CELF4: variants seen among roughly 807,000 people sequenced by gnomAD.
The protein encoded by CELF4 is CUGBP Elav-like family member 4, also known as CUG-BP- and ETR-3-like factor 4.
CELF4 carries 18 observed loss-of-function variants against 59.9 expected under a neutral mutation model. The observed-to-expected ratio is 0.30, with a 90% CI of 0.21 to 0.45. The LOEUF (loss-of-function observed/expected upper bound fraction) is 0.45, where lower values mean the gene tolerates loss of function less well. Ranked by LOEUF, CELF4 falls within the 20% of genes least tolerant of loss-of-function variation. The pLI is 1.00. For missense variants in CELF4, 456 were observed against 689.0 expected (o/e 0.66, Z 3.79); for synonymous variants, 261 against 267.1 (o/e 0.98, Z 0.22).
intron 1 of CELF4, among the ~76,000 whole-genome samples, chr18:37,502,857 C>T (rs2099933400): frequency 2.0e-5 from 3 of 152,210 alleles, no homozygotes; most frequent in African/African-American, 7.2e-5. Context: ...AGCGCTGATT[C>T]CCTCCATTCT....
At chr18:37,348,243 G>A (rs562240433) in intron 2 of CELF4, among the ~76,000 whole-genome samples, 2 of 152,244 alleles carry the variant, frequency 1.3e-5, no homozygotes, top group South Asian at 2.1e-4. Context: ...TGCTAAGCAG[G>A]GTCAAATGCC....
At chr18:37,431,088 T>C (rs935561801) in intron 2 of CELF4, among the ~76,000 whole-genome samples, 12 of 152,250 alleles carry the variant, frequency 7.9e-5, no homozygotes, top group Admixed American at 7.8e-4. Context: ...GTGTTGTGGG[T>C]GAGCCAGAGG....
intron 2 of CELF4, among the ~76,000 whole-genome samples, chr18:37,373,414 T>C (rs1277926941): frequency 3.3e-5 from 5 of 152,266 alleles, no homozygotes; most frequent in East Asian, 1.9e-4. Flanking sequence ...CATCACTACC[T>C]GAGACCCTGG....
chr18:37,277,212 G>A (rs56245342), intron 3 of CELF4, among the ~76,000 whole-genome samples: 4 of 152,178 alleles, frequency 2.6e-5, no homozygotes, highest in Non-Finnish European at 5.9e-5. Flanking sequence ...CCAGCTCCTC[G>A]CATAACCTGT....
intron 2 of CELF4, among the ~76,000 whole-genome samples, chr18:37,398,772 G>A (rs1214950364): frequency 1.3e-5 from 2 of 152,102 alleles, no homozygotes; most frequent in Admixed American, 6.5e-5. Context: ...ACTGTGTTGC[G>A]ATCACTCGAG....
intron 1 of CELF4, among the ~76,000 whole-genome samples, chr18:37,550,894 G>T (rs2099983001): frequency 6.6e-6 from 1 of 152,364 alleles, no homozygotes; most frequent in Non-Finnish European, 1.5e-5. Context: ...AACAGAGATG[G>T]TAACGCATTA....
At chr18:37,273,392 G>A in intron 6 of CELF4, 1 of 1,283,936 alleles carries the variant, frequency 7.8e-7, no homozygotes. Flanking sequence ...TAGGGTCTTT[G>A]GAACTCCAAA....
intron 3 of CELF4, among the ~76,000 whole-genome samples, chr18:37,292,318 A>G (rs2095390272): frequency 6.6e-6 from 1 of 152,222 alleles, no homozygotes; most frequent in Non-Finnish European, 1.5e-5. Flanking sequence ...CAGTACAGGT[A>G]CATTTTAACA....
chr18:37,555,087 G>C (rs995000566), intron 1 of CELF4, among the ~76,000 whole-genome samples: 2 of 152,106 alleles, frequency 1.3e-5, no homozygotes, highest in Admixed American at 1.3e-4. Context: ...GGATACCCAG[G>C]CTGCAGAGTG....
At chr18:37,422,175 G>C (rs1177914767) in intron 2 of CELF4, among the ~76,000 whole-genome samples, 4 of 152,172 alleles carry the variant, frequency 2.6e-5, no homozygotes, top group African/African-American at 9.7e-5. Flanking sequence ...GGCCTGAGTG[G>C]GGCCTGTGTA....
chr18:37,530,194 C>T (rs1407677384), intron 1 of CELF4, among the ~76,000 whole-genome samples: 1 of 152,182 alleles, frequency 6.6e-6, no homozygotes. Context: ...CTGACATGTA[C>T]ACAGGTTCTT....
At chr18:37,421,385 A>G (rs561488756) in intron 2 of CELF4, among the ~76,000 whole-genome samples, 2 of 152,258 alleles carry the variant, frequency 1.3e-5, no homozygotes, top group South Asian at 4.2e-4. Flanking sequence ...CAGCCTCCTT[A>G]AACACAGGGC....
chr18:37,531,381 C>T (rs867395164), intron 1 of CELF4, among the ~76,000 whole-genome samples: 2 of 152,082 alleles, frequency 1.3e-5, no homozygotes, highest in South Asian at 2.1e-4. Context: ...AGCTCTTTCT[C>T]GATGCTTCAC....
intron 2 of CELF4, among the ~76,000 whole-genome samples, chr18:37,453,318 T>C (rs1395621421): frequency 6.6e-6 from 1 of 152,146 alleles, no homozygotes; most frequent in African/African-American, 2.4e-5. Flanking sequence ...GAAAAACAGC[T>C]TGTGTTTGTG....
chr18:37,309,929 C>T (rs2096583395), intron 3 of CELF4, among the ~76,000 whole-genome samples: 1 of 151,078 alleles, frequency 6.6e-6, no homozygotes, highest in African/African-American at 2.4e-5. Flanking sequence ...TCACCACCCC[C>T]AGGAAGCCTT....
chr18:37,531,785 G>A (rs555671761), intron 1 of CELF4, among the ~76,000 whole-genome samples: 2 of 152,258 alleles, frequency 1.3e-5, no homozygotes, highest in South Asian at 2.1e-4. Flanking sequence ...CTGAGCATGA[G>A]GGGACCAGAC....
chr18:37,421,791 C>T (rs1052635167), intron 2 of CELF4, among the ~76,000 whole-genome samples: 17 of 152,228 alleles, frequency 1.1e-4, no homozygotes, highest in African/African-American at 3.1e-4. Flanking sequence ...AGGACAGTCA[C>T]GCGCAGCCTG....
chr18:37,383,507 C>A (rs1345418260), intron 2 of CELF4, among the ~76,000 whole-genome samples: 3 of 152,226 alleles, frequency 2.0e-5, no homozygotes, highest in African/African-American at 7.2e-5. Context: ...AGGAGGCAAT[C>A]CTCAGCCAGC....
intron 3 of CELF4, among the ~76,000 whole-genome samples, chr18:37,285,383 C>G (rs1157195896): frequency 6.6e-6 from 1 of 152,236 alleles, no homozygotes; most frequent in Non-Finnish European, 1.5e-5. Context: ...TGCACTACCC[C>G]CTCCATGCCT....
Sources: gnomAD v4.1 joint callset for allele counts (sites outside exome capture counted in the v4.1 genomes callset) on GRCh38, gnomAD v4.1.1 for gene constraint, MANE v1.5 for transcripts, NCBI Gene and HGNC (gene_info 2026-07-23, HGNC 2026-07-21) for gene names.